LEKR1: variants seen among roughly 807,000 people sequenced by gnomAD.
LEKR1 encodes leucine, glutamate and lysine rich 1.
A neutral mutation model predicts 72.4 loss-of-function variants in LEKR1; 59 were observed. The observed-to-expected ratio is 0.82, with a 90% confidence interval of 0.66 to 1.01. The LOEUF (loss-of-function observed/expected upper bound fraction) is 1.01, where lower values mean the gene tolerates loss of function less well. Among genes scored for constraint, LEKR1 ranks in the 50% least tolerant of loss-of-function variants. LEKR1 has a pLI of 0.00. For synonymous variants in LEKR1, 257 were observed against 263.2 expected, an observed-to-expected ratio of 0.98 and a Z score of 0.23; for missense variants, 728 against 759.2, an observed-to-expected ratio of 0.96 and a Z score of 0.48.
intron 3 of LEKR1, among the ~76,000 whole-genome samples, chr3:156,877,817 C>T (rs1560044960): frequency 6.6e-6 from 1 of 152,148 alleles, no homozygotes; most frequent in South Asian, 2.1e-4. Flanking sequence ...ACGTCTCGCT[C>T]TGTTGCCCAG....
chr3:156,848,776 T>A (rs991259768), intron 2 of LEKR1, among the ~76,000 whole-genome samples: 1 of 152,192 alleles, frequency 6.6e-6, no homozygotes, highest in Admixed American at 6.5e-5. Context: ...AAATGACTTA[T>A]AAGGATCAAC....
At chr3:157,040,310 T>C (rs1735256723) in intron 12 of LEKR1, among the ~76,000 whole-genome samples, 1 of 152,238 alleles carries the variant, frequency 6.6e-6, no homozygotes, top group African/African-American at 2.4e-5. Flanking sequence ...AATCTGCCTC[T>C]GAAGCATATC....
chr3:156,898,670 A>G (rs916736830), intron 3 of LEKR1, among the ~76,000 whole-genome samples: 2 of 152,222 alleles, frequency 1.3e-5, no homozygotes, highest in African/African-American at 4.8e-5. Flanking sequence ...ACAGGAAAAA[A>G]AAACCCAAAA....
intron 2 of LEKR1, among the ~76,000 whole-genome samples, chr3:156,834,898 T>C (rs1712904833): frequency 6.6e-6 from 1 of 151,850 alleles, no homozygotes; most frequent in Non-Finnish European, 1.5e-5. Flanking sequence ...ATTTCTAAAG[T>C]CATCTACACT....
intron 7 of LEKR1, among the ~76,000 whole-genome samples, chr3:156,983,823 A>G (rs1170108359): frequency 6.6e-6 from 1 of 152,094 alleles, no homozygotes; most frequent in East Asian, 1.9e-4. Context: ...TCTAAAAACA[A>G]TCAGGGCAAA....
intron 12 of LEKR1, among the ~76,000 whole-genome samples, chr3:157,034,877 ATC>A (rs1734854864): frequency 6.6e-6 from 1 of 152,062 alleles, no homozygotes; most frequent in African/African-American, 2.4e-5. Context: ...CAGTGGCGCA[ATC>A]TCAGCTCACT....
chr3:156,871,384 C>G (rs533667765), intron 3 of LEKR1, among the ~76,000 whole-genome samples: 1 of 152,246 alleles, frequency 6.6e-6, no homozygotes, highest in South Asian at 2.1e-4. Context: ...TGTTCCAAGT[C>G]TTTGCTATTC....
At chr3:156,860,839 C>T (rs1194912873) in intron 3 of LEKR1, among the ~76,000 whole-genome samples, 1 of 152,162 alleles carries the variant, frequency 6.6e-6, no homozygotes, top group Admixed American at 6.6e-5. Flanking sequence ...TTCTATCTCT[C>T]ATTCTGTCTT....
At chr3:156,832,315 T>C (rs1191708737) in intron 2 of LEKR1, among the ~76,000 whole-genome samples, 2 of 152,156 alleles carry the variant, frequency 1.3e-5, no homozygotes, top group African/African-American at 2.4e-5. Flanking sequence ...CAATCAGATA[T>C]GGGGTCATTA....
intron 10 of LEKR1, among the ~76,000 whole-genome samples, chr3:157,020,239 A>T (rs1231208210): frequency 1.4e-5 from 2 of 146,354 alleles, no homozygotes; most frequent in Non-Finnish European, 1.5e-5. Context: ...CATCAAAGGG[A>T]CCCTGCTGAT....
intron 5 of LEKR1, among the ~76,000 whole-genome samples, chr3:156,940,455 T>C (rs1355981023): frequency 6.6e-6 from 1 of 152,174 alleles, no homozygotes; most frequent in East Asian, 1.9e-4. Flanking sequence ...TCAAGGTGGA[T>C]ACAATGACCA....
chr3:157,030,445 AAAG>A (rs1195095145), intron 12 of LEKR1, among the ~76,000 whole-genome samples: 2 of 152,182 alleles, frequency 1.3e-5, no homozygotes, highest in Admixed American at 6.5e-5. Flanking sequence ...TCCTGCTCTC[AAAG>A]AAGAATTTAA....
intron 2 of LEKR1, among the ~76,000 whole-genome samples, chr3:156,840,286 T>G (rs1713737314): frequency 6.6e-6 from 1 of 152,212 alleles, no homozygotes; most frequent in African/African-American, 2.4e-5. Flanking sequence ...ATGTCCATGT[T>G]GTTCAAAGGT....
Position 157,028,354 on chromosome 3 carries a change from G to T in LEKR1, c.1620G>T (p.Met540Ile). ...AGTCGGATGAACTGAAAAGAGTAAT[G>T]CTGGCTCAAACACAACTGATAGAGC... ...EQKSDELKRV[M>I]LAQTQLIEQF... Residue 540 changes from methionine to isoleucine, a missense_variant, in exon 12 of 13, where the codon ATG (methionine) becomes ATT (isoleucine). Transcript: ENST00000356539. 2.5e-6 allele frequency: 4 copies of T among 1,612,670 alleles called. No individual in the cohort carries two copies. In the South Asian group the frequency reaches 4.4e-5, roughly 18 times the overall value.
At chr3:156,862,416 G>A (rs557382125) in intron 3 of LEKR1, among the ~76,000 whole-genome samples, 2 of 152,016 alleles carry the variant, frequency 1.3e-5, no homozygotes, top group Non-Finnish European at 2.9e-5. Context: ...GTATGATGTG[G>A]TATAGAGTAC....
At chr3:156,853,549 C>T (rs867814709) in intron 3 of LEKR1, among the ~76,000 whole-genome samples, 1 of 151,988 alleles carries the variant, frequency 6.6e-6, no homozygotes, top group Non-Finnish European at 1.5e-5. Flanking sequence ...ATAGTTTTTC[C>T]TATGAATGAA....
intron 10 of LEKR1, among the ~76,000 whole-genome samples, chr3:157,021,320 T>A (rs1733819342): frequency 6.6e-6 from 1 of 151,924 alleles, no homozygotes; most frequent in Non-Finnish European, 1.5e-5. Flanking sequence ...TTTGTTGCCA[T>A]TGCTTTTGGT....
At chr3:156,891,473 T>G (rs908730274) in intron 3 of LEKR1, among the ~76,000 whole-genome samples, 3 of 152,062 alleles carry the variant, frequency 2.0e-5, no homozygotes, top group Non-Finnish European at 4.4e-5. Flanking sequence ...AAAGAGTTAG[T>G]AAGGGAGAAA....
intron 3 of LEKR1, among the ~76,000 whole-genome samples, chr3:156,861,246 A>G (rs1230043224): frequency 6.6e-6 from 1 of 151,494 alleles, no homozygotes; most frequent in Non-Finnish European, 1.5e-5. Flanking sequence ...TACATCAACA[A>G]CTCCCTTTAT....
Sources: gnomAD v4.1 joint callset for allele counts (sites outside exome capture counted in the v4.1 genomes callset) on GRCh38, gnomAD v4.1.1 for gene constraint, MANE v1.5 for transcripts, NCBI Gene and HGNC (gene_info 2026-07-23, HGNC 2026-07-21) for gene names.